Variants in STAB2 observed in about 807,000 individuals in gnomAD.
STAB2 encodes stabilin-2.
STAB2 carries 288 observed loss-of-function variants against 338.1 expected under a neutral mutation model. That is an observed-to-expected ratio of 0.85 (90% CI 0.77 to 0.94). STAB2 has a LOEUF of 0.94. Ranked by LOEUF, STAB2 falls within the 40% of genes least tolerant of loss-of-function variation. STAB2 has a pLI of 0.00. For synonymous variants in STAB2, 1,202 were observed against 1,193.3 expected (o/e 1.01, Z -0.15); for missense variants, 3,141 against 3,210.1 (o/e 0.98, Z 0.52).
chr12:103,621,223 T>C (rs1957296341), intron 4 of STAB2, among the ~76,000 whole-genome samples: 2 of 152,232 alleles, frequency 1.3e-5, no homozygotes, highest in African/African-American at 4.8e-5. Context: ...TTGCTGTCAT[T>C]GTTAATATTA....
chr12:103,640,067 C>A, intron 8 of STAB2, 56 bp from the exon 9 acceptor site: 2 of 1,533,926 alleles, frequency 1.3e-6, no homozygotes, highest in South Asian at 1.2e-5. Flanking sequence ...AAGAAGAATG[C>A]CAGCTGAAGT....
intron 15 of STAB2, among the ~76,000 whole-genome samples, chr12:103,659,700 C>T (rs1225915358): frequency 6.6e-6 from 1 of 152,188 alleles, no homozygotes; most frequent in African/African-American, 2.4e-5. Context: ...CTATGGTCTC[C>T]TTTGTGGGGC....
chr12:103,737,892 T>A, intron 53 of STAB2, 112 bp downstream of exon 53: 1 of 1,406,994 alleles, frequency 7.1e-7, no homozygotes, highest in Non-Finnish European at 9.5e-7. Flanking sequence ...TCAGCAAGAC[T>A]AGGACCCAGA....
At chr12:103,625,501 C>G (rs2138647276) in intron 5 of STAB2, among the ~76,000 whole-genome samples, 1 of 152,252 alleles carries the variant, frequency 6.6e-6, no homozygotes, top group Non-Finnish European at 1.5e-5. Flanking sequence ...CTAAAGCTAT[C>G]CCTCCTCCTT....
chr12:103,676,092 C>T (rs1010972771), intron 24 of STAB2, 71 bp downstream of exon 24: 75 of 1,072,098 alleles, frequency 7.0e-5, no homozygotes, highest in Non-Finnish European at 8.3e-5. Context: ...GACAGAGTCT[C>T]GCTCTGTCGC....
intron 25 of STAB2, 113 bp downstream of exon 25, chr12:103,677,724 A>C: frequency 7.3e-7 from 1 of 1,363,636 alleles, no homozygotes; most frequent in Non-Finnish European, 9.8e-7. Flanking sequence ...TTTTTCAGTC[A>C]TTCGTGGCAG....
chr12:103,590,751 C>A, intron 1 of STAB2, 146 bp from the exon 2 acceptor site: 1 of 896,152 alleles, frequency 1.1e-6, no homozygotes, highest in Non-Finnish European at 1.7e-6. Context: ...AGGAGCAAAC[C>A]AGTCATTACC....
rs757626549 is a variant in STAB2 at position 103,763,493 on chromosome 12, C to T, written c.7490C>T (p.Ser2497Leu). 10 of 1,613,648 alleles carry T rather than the reference C, an allele frequency of 6.2e-6. No individual in the cohort carries two copies. The highest frequency in any genetic ancestry group is 1.1e-5 in the South Asian group (1 of 91,012). The change falls in exon 68 of 69, where the codon TCG (serine) becomes TTG (leucine). Residue 2497 changes from serine (S) to leucine (L), a missense_variant and splice_region_variant. Physicochemically the swap from Ser to Leu is moderately radical, Grantham distance 145. Transcript: ENST00000388887. ...RRTIGFQHFE[S>L]EEDINVAALG... ...TTTCATGCTTGTCTTTCCAAACAGT[C>T]GGAAGAGGACATTAATGTTGCAGCT...
intron 34 of STAB2, among the ~76,000 whole-genome samples, chr12:103,701,808 G>T (rs577248537): frequency 1.4e-5 from 2 of 146,100 alleles, no homozygotes; most frequent in Non-Finnish European, 3.1e-5. Context: ...TTGACTGCAA[G>T]TAAATCATAA....
At chr12:103,674,777 C>G (rs534718287) in intron 23 of STAB2, among the ~76,000 whole-genome samples, 3 of 152,330 alleles carry the variant, frequency 2.0e-5, no homozygotes, top group Admixed American at 6.5e-5. Flanking sequence ...TTGGTCCTCT[C>G]CTTGCACTGC....
At chr12:103,731,836 A>G (rs1881659566) in intron 50 of STAB2, among the ~76,000 whole-genome samples, 1 of 152,170 alleles carries the variant, frequency 6.6e-6, no homozygotes, top group African/African-American at 2.4e-5. Flanking sequence ...TGAGCTATAT[A>G]ATGTACATTG....
chr12:103,686,821 G>A (rs928043417), intron 27 of STAB2, among the ~76,000 whole-genome samples: 22 of 152,036 alleles, frequency 1.4e-4, no homozygotes, highest in African/African-American at 2.9e-4. Flanking sequence ...ACAGCTTTCC[G>A]CTGCAGTTTA....
intron 3 of STAB2, among the ~76,000 whole-genome samples, chr12:103,599,623 A>G (rs1172888213): frequency 1.3e-5 from 2 of 152,236 alleles, no homozygotes; most frequent in African/African-American, 4.8e-5. Flanking sequence ...TTAGGGATGT[A>G]CTTATGCTAA....
At chr12:103,680,437 G>A (rs909936310) in intron 25 of STAB2, among the ~76,000 whole-genome samples, 5 of 152,344 alleles carry the variant, frequency 3.3e-5, no homozygotes, top group South Asian at 2.1e-4. Context: ...AGCATAAAGG[G>A]TCTGTTTCTT....
rs75124646 is a variant in STAB2 at position 103,679,710 on chromosome 12, C to T, written c.2805+2099C>T. ...AAAATGGTACAGCTGCTATGGAAAA[C>T]AGCACAGCAATTCCCCCAAAAAATT... is the stretch of plus-strand genomic sequence containing the variant. On this transcript the variant is annotated intron_variant, in intron 25 of 68. Transcript: ENST00000388887. 1.7e-3 allele frequency among the ~76,000 whole-genome samples: 255 copies of T among 152,232 alleles called. 1 individual carries two copies. The highest frequency in any genetic ancestry group is 3.2e-3 in the Non-Finnish European group (221 of 68,010).
chr12:103,731,337 C>T (rs56343453), intron 49 of STAB2, among the ~76,000 whole-genome samples: 32,121 of 151,930 alleles, frequency 0.21, 4,285 homozygotes, highest in East Asian at 0.35. Flanking sequence ...GCTTGGAGGA[C>T]CTTATATATC....
At chr12:103,745,734 A>G (rs576974933) in intron 57 of STAB2, among the ~76,000 whole-genome samples, 1 of 152,324 alleles carries the variant, frequency 6.6e-6, no homozygotes, top group East Asian at 1.9e-4. Context: ...CTTATCCTTA[A>G]AAAGAACTCC....
intron 57 of STAB2, 42 bp from the exon 58 acceptor site, chr12:103,746,555 C>T: frequency 6.3e-7 from 1 of 1,595,180 alleles, no homozygotes; most frequent in Non-Finnish European, 8.6e-7. Flanking sequence ...TTTAACTCTT[C>T]ACACCATGGG....
At chr12:103,683,070 A>G in intron 25 of STAB2, 135 bp from the exon 26 acceptor site, 1 of 549,574 alleles carries the variant, frequency 1.8e-6, no homozygotes, top group Non-Finnish European at 3.1e-6. Context: ...TATCAAGCAA[A>G]AGGCATTAAC....
Sources: allele counts gnomAD v4.1 joint callset (sites outside exome capture counted in the v4.1 genomes callset), GRCh38; gene constraint gnomAD v4.1.1; transcripts MANE v1.5; gene names NCBI Gene and HGNC (gene_info 2026-07-23, HGNC 2026-07-21).